THSD7B: variants seen among roughly 807,000 people sequenced by gnomAD.
THSD7B encodes the protein thrombospondin type 1 domain containing 7B, also known as thrombospondin type-1 domain-containing protein 7B.
Under a neutral mutation model 213.6 loss-of-function variants are expected in THSD7B, and 138 were observed. The ratio of observed to expected loss-of-function variants is 0.65; its 90% CI spans 0.56 to 0.74. The LOEUF (loss-of-function observed/expected upper bound fraction) is 0.74, where lower values mean the gene tolerates loss of function less well. Ranked by LOEUF, THSD7B falls within the 30% of genes least tolerant of loss-of-function variation. The pLI is 0.00. For synonymous variants in THSD7B, 742 were observed against 687.0 expected, an observed-to-expected ratio of 1.08 and a Z score of -1.25; for missense variants, 1,931 against 1,991.5, an observed-to-expected ratio of 0.97 and a Z score of 0.58.
At chr2:137,170,477 A>G (rs553165349) in intron 6 of THSD7B, among the ~76,000 whole-genome samples, 1 of 152,152 alleles carries the variant, frequency 6.6e-6, no homozygotes, top group South Asian at 2.1e-4. Context: ...TACGCTACTT[A>G]TTATTCCATT....
In THSD7B at chr2:137,162,360, T is replaced by A. The variant is rs532769174; in HGVS notation, c.1525+1992T>A. Among the ~76,000 whole-genome samples, 24 of 152,336 alleles carry A rather than the reference T, an allele frequency of 1.6e-4. No individual in the cohort carries two copies. In the South Asian group the frequency reaches 4.4e-3, roughly 28 times the overall value. ...AGTCCTGGAGTTGAATCTCATTGGC[T>A]GTTTTATGTCATGTCCTCATTCCTG... is the stretch of plus-strand genomic sequence containing the variant. On this transcript the variant is annotated intron_variant, in intron 6 of 27. Transcript: ENST00000409968.
chr2:137,031,429 T>A (rs1686664817), intron 2 of THSD7B, among the ~76,000 whole-genome samples: 1 of 152,108 alleles, frequency 6.6e-6, no homozygotes, highest in African/African-American at 2.4e-5. Flanking sequence ...TAGTCTCTCA[T>A]TTTTTGCTAG....
At chr2:137,592,359 T>C (rs1681882237) in intron 17 of THSD7B, among the ~76,000 whole-genome samples, 1 of 151,802 alleles carries the variant, frequency 6.6e-6, no homozygotes, top group African/African-American at 2.4e-5. Context: ...TACATAATCA[T>C]ATATTATTTG....
intron 1 of THSD7B, among the ~76,000 whole-genome samples, chr2:136,830,124 G>A (rs555761263): frequency 5.4e-5 from 8 of 148,454 alleles, no homozygotes; most frequent in South Asian, 2.1e-4. Flanking sequence ...GCCTGTGCGC[G>A]CACACACACA....
chr2:137,399,382 G>T (rs575271683), intron 12 of THSD7B, among the ~76,000 whole-genome samples: 2 of 152,044 alleles, frequency 1.3e-5, no homozygotes, highest in African/African-American at 4.8e-5. Context: ...TAGTAGAGAT[G>T]GGGTTTCACC....
intron 17 of THSD7B, among the ~76,000 whole-genome samples, chr2:137,598,964 C>T (rs2197832): frequency 0.28 from 40,428 of 146,624 alleles, 6,120 homozygotes; most frequent in South Asian, 0.4. Flanking sequence ...ACATGTGCCA[C>T]GCTGGTGCAC....
Position 136,945,503 on chromosome 2 carries a change from T to G in THSD7B, c.139+63186T>G, listed in dbSNP as rs6748826. ...GTGGTATTCTCTGTATTTCCTGAGT[T>G]TGAATGTTGGTCTGCCTGTCTAGGT... On this transcript the variant is annotated intron_variant, in intron 2 of 27. Coordinates refer to ENST00000409968, the MANE Select transcript of THSD7B (RefSeq NM_001316349.2). Among the ~76,000 whole-genome samples, 1,283 of 152,274 alleles carry G rather than the reference T, an allele frequency of 8.4e-3. 19 individuals carry two copies. The highest frequency in any genetic ancestry group is 0.03 in the African/African-American group (1,228 of 41,554).
intron 15 of THSD7B, among the ~76,000 whole-genome samples, chr2:137,546,478 A>AAT (rs369894283): frequency 3.8e-4 from 21 of 55,622 alleles, no homozygotes; most frequent in East Asian, 1.5e-3. Context: ...ATATATATAT[A>AAT]ATATATATAT....
At chr2:136,839,102 A>C (rs149372351) in intron 1 of THSD7B, among the ~76,000 whole-genome samples, 21 of 152,338 alleles carry the variant, frequency 1.4e-4, no homozygotes, top group African/African-American at 5.1e-4. Flanking sequence ...TGTTGTTCTC[A>C]TGCCATATAG....
intron 1 of THSD7B, among the ~76,000 whole-genome samples, chr2:136,869,441 A>G (rs1035417610): frequency 6.6e-6 from 1 of 152,250 alleles, no homozygotes; most frequent in Non-Finnish European, 1.5e-5. Flanking sequence ...AGTAGCCATT[A>G]AAGTGAAAAT....
intron 20 of THSD7B, among the ~76,000 whole-genome samples, chr2:137,630,367 C>T (rs1407218917): frequency 6.6e-6 from 1 of 152,100 alleles, no homozygotes; most frequent in Non-Finnish European, 1.5e-5. Context: ...AATTTTTAAG[C>T]ACCTACCCTC....
intron 15 of THSD7B, among the ~76,000 whole-genome samples, chr2:137,512,740 T>C (rs988047425): frequency 6.6e-6 from 1 of 152,086 alleles, no homozygotes; most frequent in African/African-American, 2.4e-5. Context: ...GAAAAAGATA[T>C]CATGGATATA....
At chr2:137,302,432 G>A (rs533248995) in intron 12 of THSD7B, among the ~76,000 whole-genome samples, 3 of 152,208 alleles carry the variant, frequency 2.0e-5, no homozygotes, top group East Asian at 1.9e-4. Flanking sequence ...CAAGTAAGGT[G>A]GGTTGGAGAA....
chr2:137,057,501 A>G (rs1041155669), intron 3 of THSD7B, among the ~76,000 whole-genome samples: 1 of 152,206 alleles, frequency 6.6e-6, no homozygotes, highest in East Asian at 1.9e-4. Flanking sequence ...TTATCAAGAC[A>G]GTAACTAGTA....
intron 12 of THSD7B, among the ~76,000 whole-genome samples, chr2:137,332,757 C>A (rs1277657752): frequency 6.6e-6 from 1 of 152,120 alleles, no homozygotes; most frequent in African/African-American, 2.4e-5. Flanking sequence ...TGTGATCTCA[C>A]AAGATCTGAT....
chr2:136,866,742 T>TG (rs371626929), intron 1 of THSD7B, among the ~76,000 whole-genome samples: 67 of 152,320 alleles, frequency 4.4e-4, no homozygotes, highest in African/African-American at 1.4e-3. Flanking sequence ...TTCTACCTGT[T>TG]GGTTCTTACT....
At chr2:137,002,646 CAG>C (rs1686022910) in intron 2 of THSD7B, among the ~76,000 whole-genome samples, 1 of 152,164 alleles carries the variant, frequency 6.6e-6, no homozygotes, top group African/African-American at 2.4e-5. Context: ...GGATTCTTAA[CAG>C]GGGTCCACTG....
At chr2:137,359,785 A>G (rs1057442519) in intron 12 of THSD7B, among the ~76,000 whole-genome samples, 2 of 152,104 alleles carry the variant, frequency 1.3e-5, no homozygotes, top group African/African-American at 4.8e-5. Flanking sequence ...CTCTTTTAAG[A>G]TTCTGTCTAT....
intron 12 of THSD7B, among the ~76,000 whole-genome samples, chr2:137,345,650 C>A (rs1438854296): frequency 6.6e-6 from 1 of 151,062 alleles, no homozygotes; most frequent in African/African-American, 2.4e-5. Context: ...ATGACTGTGA[C>A]CAAGAAGAGC....
Sources: allele counts gnomAD v4.1 joint callset (sites outside exome capture counted in the v4.1 genomes callset), GRCh38; gene constraint gnomAD v4.1.1; transcripts MANE v1.5; gene names NCBI Gene and HGNC (gene_info 2026-07-23, HGNC 2026-07-21).